ARHGAP29: variants seen among roughly 807,000 people sequenced by gnomAD.
ARHGAP29 encodes the protein rho GTPase-activating protein 29.
A neutral mutation model predicts 122.6 loss-of-function variants in ARHGAP29; 43 were observed. The ratio of observed to expected loss-of-function variants is 0.35; its 90% confidence interval spans 0.27 to 0.45. ARHGAP29 has a LOEUF of 0.45. Ranked by LOEUF, ARHGAP29 falls within the 20% of genes least tolerant of loss-of-function variation. ARHGAP29 has a pLI of 1.00. For missense variants in ARHGAP29, 1,303 were observed against 1,477.2 expected, an observed-to-expected ratio of 0.88 and a Z score of 1.93; for synonymous variants, 506 against 497.1, an observed-to-expected ratio of 1.02 and a Z score of -0.24.
At chr1:94,190,328 A>G (rs148072396) in intron 12 of ARHGAP29, 238 of 354,700 alleles carry the variant, frequency 6.7e-4, no homozygotes, top group African/African-American at 4.7e-3. Flanking sequence ...GAAAAGTTCA[A>G]AAGTGACTTC....
chr1:94,205,607 G>T lies in ARHGAP29; in HGVS notation c.559+28C>A, dbSNP rs759675783. ...TAGAAAGTAACTACAAGAAGTTTGT[G>T]AAAAGTTATAAACACCTTGAGCATT... On this transcript the variant is annotated intron_variant, in intron 6 of 22. Transcript: ENST00000260526. 3 of 1,598,588 alleles carry T rather than the reference G, an allele frequency of 1.9e-6. No individual in the cohort carries two copies. In the East Asian group the frequency reaches 6.7e-5, roughly 36 times the overall value.
Position 94,173,599 on chromosome 1 carries a change from G to C in ARHGAP29, c.*270C>G. On this transcript the variant is annotated 3_prime_UTR_variant, in exon 23 of 23. Transcript: ENST00000260526. ...GACCATTTGGTGGGGAAAGTCAACT[G>C]AACTTTAAAAAATACGAATCCACCT... 3.0e-6 allele frequency: 1 copy of C among 335,732 alleles called. No homozygotes were observed. Among genetic ancestry groups the C allele is most frequent in the Non-Finnish European group, 5.4e-6 (1 of 184,212 alleles). 20.8% of individuals were successfully genotyped at this position (335,732 alleles called of 1,614,324 possible). A position where few individuals can be genotyped will look rare whatever the true frequency, so the allele number is the denominator to read the frequency against.
intron 3 of ARHGAP29, among the ~76,000 whole-genome samples, chr1:94,211,094 G>A (rs1484621172): frequency 6.6e-6 from 1 of 151,512 alleles, no homozygotes; most frequent in African/African-American, 2.4e-5. Flanking sequence ...AGACCAGCCT[G>A]GGCAACATGG....
intron 19 of ARHGAP29, among the ~76,000 whole-genome samples, chr1:94,182,455 GGAGTGC>G (rs1258694359): frequency 6.6e-6 from 1 of 152,032 alleles, no homozygotes; most frequent in Non-Finnish European, 1.5e-5. Context: ...CAGCGCTTAT[GGAGTGC>G]CCTGAATAGT....
Position 94,177,681 on chromosome 1 carries a change from G to A in ARHGAP29, c.2836C>T (p.Arg946Ter), listed in dbSNP as rs1165023731. ...TCTGATTCCTCAAATGATGTAGCTC[G>A]TTCAAAAATTTTGCTTTCACTCTCT... ...TSESESKIFE[R>*]ATSFEESERK... The change falls in exon 22 of 23, where the codon CGA becomes TGA. Residue 946 changes from arginine to a stop codon, truncating the protein, a stop_gained. Coordinates refer to ENST00000260526, the MANE Select transcript of ARHGAP29 (RefSeq NM_004815.4). LOFTEE classifies it high-confidence loss of function. 3 of 1,612,822 alleles carry A rather than the reference G, an allele frequency of 1.9e-6. No homozygotes were observed. The highest frequency in any genetic ancestry group is 1.1e-5 in the South Asian group (1 of 90,756).
At chr1:94,302,942 A>G in the ARHGAP29 span, 1 of 179,706 alleles carries the variant, frequency 5.6e-6, no homozygotes, top group Non-Finnish European at 1.2e-5. Flanking sequence ...CCTCTTTGTC[A>G]GGCTCGTTTC....
At chr1:94,270,729 G>C (rs1224426723) in intron 1 of ARHGAP29, among the ~76,000 whole-genome samples, 1 of 152,154 alleles carries the variant, frequency 6.6e-6, no homozygotes, top group Non-Finnish European at 1.5e-5. Context: ...TTGGCATGTG[G>C]GAGCAAGTAA....
chr1:94,222,961 T>TG (rs398103035), intron 2 of ARHGAP29, among the ~76,000 whole-genome samples: 2 of 152,166 alleles, frequency 1.3e-5, no homozygotes, highest in Middle Eastern at 3.4e-3. Flanking sequence ...TTTTTTTTTT[T>TG]GAGACGGAGT....
chr1:94,275,529 T>G (rs1055166751), upstream of ARHGAP29, among the ~76,000 whole-genome samples: 1 of 152,274 alleles, frequency 6.6e-6, no homozygotes, highest in South Asian at 2.1e-4. Context: ...TCAGGCATGC[T>G]TTACACAGTA....
the ARHGAP29 span, among the ~76,000 whole-genome samples, chr1:94,299,129 C>T: frequency 1.3e-5 from 2 of 151,576 alleles, 1 homozygote. Context: ...CATAATCCTG[C>T]AGTATTAATG....
At chr1:94,261,655 T>C (rs1244217477) in intron 1 of ARHGAP29, among the ~76,000 whole-genome samples, 1 of 152,062 alleles carries the variant, frequency 6.6e-6, no homozygotes, top group Admixed American at 6.6e-5. Flanking sequence ...CCATTCACAA[T>C]TGCCACAAAA....
At chr1:94,253,289 G>A (rs1654177322) in intron 1 of ARHGAP29, among the ~76,000 whole-genome samples, 1 of 152,036 alleles carries the variant, frequency 6.6e-6, no homozygotes, top group East Asian at 1.9e-4. Flanking sequence ...TATTTTATAA[G>A]GAAATCCCAG....
intron 3 of ARHGAP29, among the ~76,000 whole-genome samples, chr1:94,212,586 AT>A (rs960777933): frequency 6.6e-5 from 10 of 152,122 alleles, no homozygotes; most frequent in African/African-American, 1.7e-4. Flanking sequence ...ACTTTCTTGT[AT>A]TTTTTTATCA....
At chr1:94,180,402 TTTTA>T (rs1649379758) in intron 19 of ARHGAP29, among the ~76,000 whole-genome samples, 1 of 152,190 alleles carries the variant, frequency 6.6e-6, no homozygotes, top group Admixed American at 6.5e-5. Flanking sequence ...ACTGTTAACA[TTTTA>T]TTTATCTAAT....
chr1:94,268,161 T>C (rs902271366), intron 1 of ARHGAP29, among the ~76,000 whole-genome samples: 1 of 152,188 alleles, frequency 6.6e-6, no homozygotes, highest in African/African-American at 2.4e-5. Flanking sequence ...ATATAGCCCT[T>C]GAAACTCTTA....
chr1:94,189,486 CCA>C, intron 13 of ARHGAP29, 134 bp from the exon 14 acceptor site: 1 of 1,092,556 alleles, frequency 9.2e-7, no homozygotes, highest in South Asian at 1.9e-5. Context: ...TAAAAACAAA[CCA>C]CACTCATGGT....
At chr1:94,227,161 C>T (rs1184103474) in intron 2 of ARHGAP29, among the ~76,000 whole-genome samples, 1 of 151,624 alleles carries the variant, frequency 6.6e-6, no homozygotes, top group Non-Finnish European at 1.5e-5. Context: ...ACTTTTTATT[C>T]AACCTAACTG....
chr1:94,291,756 C>A, the ARHGAP29 span, among the ~76,000 whole-genome samples: 1 of 152,206 alleles, frequency 6.6e-6, no homozygotes, highest in Non-Finnish European at 1.5e-5. Flanking sequence ...AAATTCTTTT[C>A]TTTAAGAATG....
At chr1:94,247,054 G>C (rs1326138917) in intron 1 of ARHGAP29, among the ~76,000 whole-genome samples, 1 of 152,142 alleles carries the variant, frequency 6.6e-6, no homozygotes, top group Non-Finnish European at 1.5e-5. Flanking sequence ...TCTAGGTGAG[G>C]TGAAGTGCAA....
Sources: gnomAD v4.1 joint callset for allele counts (sites outside exome capture counted in the v4.1 genomes callset) on GRCh38, gnomAD v4.1.1 for gene constraint, MANE v1.5 for transcripts, NCBI Gene and HGNC (gene_info 2026-07-23, HGNC 2026-07-21) for gene names.